Variants in ZNF407 observed in about 807,000 individuals in gnomAD.
ZNF407 encodes the protein zinc finger protein 407.
ZNF407 carries 17 observed loss-of-function variants against 131.2 expected under a neutral mutation model. That is an observed-to-expected ratio of 0.13 (90% CI 0.09 to 0.19). The LOEUF is 0.19. Ranked by LOEUF, ZNF407 falls within the 10% of genes least tolerant of loss-of-function variation. The probability of loss-of-function intolerance (pLI) is 1.00; values close to 1 mark genes in which losing one functional copy is unlikely to be tolerated. For missense variants in ZNF407, 2,681 were observed against 2,830.6 expected (o/e 0.95, Z 1.20); for synonymous variants, 1,156 against 1,062.0 (o/e 1.09, Z -1.72).
chr18:74,923,129 G>A (rs1205256037), intron 8 of ZNF407, among the ~76,000 whole-genome samples: 3 of 151,788 alleles, frequency 2.0e-5, no homozygotes, highest in African/African-American at 7.3e-5. Context: ...AACGATTTTT[G>A]TATCTTTTTC....
intron 8 of ZNF407, among the ~76,000 whole-genome samples, chr18:74,995,680 C>A (rs1382314189): frequency 6.6e-6 from 1 of 152,086 alleles, no homozygotes; most frequent in Non-Finnish European, 1.5e-5. Flanking sequence ...GTGGGAGAGG[C>A]AGAAGGGAGG....
intron 3 of ZNF407, among the ~76,000 whole-genome samples, chr18:74,681,171 A>C (rs1443459243): frequency 6.6e-6 from 1 of 152,120 alleles, no homozygotes; most frequent in Non-Finnish European, 1.5e-5. Flanking sequence ...AGGAACCCCT[A>C]AGGTAAAGAT....
chr18:74,631,539 A>G lies in ZNF407; in HGVS notation c.520A>G (p.Ser174Gly). Residue 174 changes from serine (S) to glycine (G), a missense_variant, in exon 2 of 9, where the codon AGT becomes GGT. Coordinates refer to ENST00000299687, the MANE Select transcript of ZNF407 (RefSeq NM_017757.3). ...RESPFPPKEI[S>G]VSCTIGNVDT... ...ATCTCCTTTCCCCCCGAAAGAAATTAGTGTTAGTTGTACCATTGGGAATGT... is the reference window on the plus strand; with the variant it reads ...ATCTCCTTTCCCCCCGAAAGAAATTGGTGTTAGTTGTACCATTGGGAATGT... The G allele has an allele frequency of 1.9e-6, 3 of 1,613,838 alleles. No homozygotes were observed. The highest frequency in any genetic ancestry group is 2.5e-6 in the Non-Finnish European group (3 of 1,179,902).
At chr18:74,605,154 G>A (rs781730543) in intron 1 of ZNF407, among the ~76,000 whole-genome samples, 23 of 152,082 alleles carry the variant, frequency 1.5e-4, no homozygotes, top group Non-Finnish European at 2.4e-4. Context: ...CTGCCTTCCC[G>A]GGGCCATTTC....
chr18:74,880,904 A>G (rs1488808912), intron 5 of ZNF407, 132 bp from the exon 6 acceptor site: 2 of 774,708 alleles, frequency 2.6e-6, no homozygotes, highest in Non-Finnish European at 4.4e-6. Flanking sequence ...CCGCAGTGGT[A>G]ATTTCATTCC....
intron 1 of ZNF407, 73 bp from the exon 2 acceptor site, chr18:74,630,894 T>G: frequency 5.0e-6 from 6 of 1,194,764 alleles, no homozygotes; most frequent in Non-Finnish European, 5.6e-6. Flanking sequence ...TCATGATACT[T>G]TTTCATCTAG....
intron 8 of ZNF407, among the ~76,000 whole-genome samples, chr18:74,938,425 G>A (rs1335668870): frequency 1.3e-5 from 2 of 152,144 alleles, no homozygotes; most frequent in Non-Finnish European, 2.9e-5. Flanking sequence ...GACTCTGACT[G>A]TGATATTAAC....
intron 8 of ZNF407, among the ~76,000 whole-genome samples, chr18:74,931,537 AATT>A (rs1971982410): frequency 6.6e-6 from 1 of 152,074 alleles, no homozygotes; most frequent in South Asian, 2.1e-4. Flanking sequence ...TCTTTTTGGC[AATT>A]ATTAATAGAG....
chr18:74,918,495 C>T (rs1971802815), intron 7 of ZNF407, among the ~76,000 whole-genome samples: 2 of 152,178 alleles, frequency 1.3e-5, no homozygotes, highest in South Asian at 2.1e-4. Flanking sequence ...TTTCCTCTTA[C>T]AGTGATTGTT....
chr18:74,755,818 TCCTCCCTCCCTCCCTTC>T (rs1272756373), intron 3 of ZNF407, among the ~76,000 whole-genome samples: 3 of 119,074 alleles, frequency 2.5e-5, no homozygotes, highest in East Asian at 5.0e-4. Flanking sequence ...GTTCATTCAT[TCCTCCCTCCCTCCCTTC>T]CCTCCCTCCC....
intron 8 of ZNF407, among the ~76,000 whole-genome samples, chr18:74,975,826 C>T (rs1356483719): frequency 6.6e-6 from 1 of 152,042 alleles, no homozygotes; most frequent in Non-Finnish European, 1.5e-5. Flanking sequence ...GAAATGGTTG[C>T]CTGATACTAA....
intron 4 of ZNF407, among the ~76,000 whole-genome samples, chr18:74,826,120 TTTCAAAAAC>T (rs1233450742): frequency 6.6e-6 from 1 of 152,248 alleles, no homozygotes; most frequent in Non-Finnish European, 1.5e-5. Context: ...TTTGTAGAAC[TTTCAAAAAC>T]TTTCTTCAGT....
At chr18:74,942,719 A>G (rs1321303338) in intron 8 of ZNF407, among the ~76,000 whole-genome samples, 2 of 151,926 alleles carry the variant, frequency 1.3e-5, no homozygotes, top group Non-Finnish European at 2.9e-5. Flanking sequence ...CTTCCTCTCC[A>G]TGCTTGTCTG....
At chr18:74,761,478 T>C (rs1969094669) in intron 3 of ZNF407, among the ~76,000 whole-genome samples, 1 of 152,184 alleles carries the variant, frequency 6.6e-6, no homozygotes, top group South Asian at 2.1e-4. Context: ...ATTGGTTTGA[T>C]ATTACAAGAT....
chr18:74,856,991 T>G (rs981704663), intron 4 of ZNF407, among the ~76,000 whole-genome samples: 5 of 152,212 alleles, frequency 3.3e-5, no homozygotes, highest in African/African-American at 1.2e-4. Context: ...ACAGTTTTTC[T>G]AATTCAAAGA....
At chr18:74,928,833 G>T (rs1004853839) in intron 8 of ZNF407, among the ~76,000 whole-genome samples, 1 of 152,094 alleles carries the variant, frequency 6.6e-6, no homozygotes, top group Admixed American at 6.5e-5. Flanking sequence ...CCCTTTGGCC[G>T]AGAAGGGGAC....
At chr18:74,672,346 G>A (rs1039899082) in intron 3 of ZNF407, among the ~76,000 whole-genome samples, 5 of 152,084 alleles carry the variant, frequency 3.3e-5, no homozygotes, top group Admixed American at 1.3e-4. Flanking sequence ...CTGCATGTAC[G>A]TCTTCTCTTG....
At chr18:74,741,831 G>C (rs1259181326) in intron 3 of ZNF407, among the ~76,000 whole-genome samples, 1 of 152,064 alleles carries the variant, frequency 6.6e-6, no homozygotes, top group Non-Finnish European at 1.5e-5. Context: ...ACCCCTTTGT[G>C]GGTGTTACTT....
intron 4 of ZNF407, among the ~76,000 whole-genome samples, chr18:74,833,497 A>G (rs1970513210): frequency 6.6e-6 from 1 of 152,216 alleles, no homozygotes; most frequent in Non-Finnish European, 1.5e-5. Context: ...CAAAGGTGCC[A>G]GCACTGCACA....
Sources: allele counts gnomAD v4.1 joint callset (sites outside exome capture counted in the v4.1 genomes callset), GRCh38; gene constraint gnomAD v4.1.1; transcripts MANE v1.5; gene names NCBI Gene and HGNC (gene_info 2026-07-23, HGNC 2026-07-21).